KCNN1: variants seen among roughly 807,000 people sequenced by gnomAD.
KCNN1 encodes the protein potassium calcium-activated channel subfamily N member 1.
KCNN1 carries 20 observed loss-of-function variants against 44.7 expected under a neutral mutation model. The ratio of observed to expected loss-of-function variants is 0.45; its 90% CI spans 0.32 to 0.65. The LOEUF (loss-of-function observed/expected upper bound fraction) is 0.65. KCNN1 is among the 30% of genes least tolerant of loss of function. The probability of loss-of-function intolerance (pLI) is 0.05; values close to 1 mark genes in which losing one functional copy is unlikely to be tolerated. For synonymous variants in KCNN1, 324 were observed against 341.7 expected (o/e 0.95, Z 0.57); for missense variants, 632 against 785.3 (o/e 0.80, Z 2.33).
intron 4 of KCNN1, among the ~76,000 whole-genome samples, chr19:17,984,003 A>G (rs2032511395): frequency 6.7e-6 from 1 of 149,148 alleles, no homozygotes; most frequent in East Asian, 2.0e-4. Flanking sequence ...TAAAAATACA[A>G]AAAAAAAAAA....
upstream of KCNN1, among the ~76,000 whole-genome samples, chr19:17,966,043 T>G (rs997555606): frequency 2.0e-3 from 295 of 144,576 alleles, no homozygotes; most frequent in East Asian, 8.9e-3. Context: ...CTTCCTTCCT[T>G]CCTTCCTTCC....
chr19:17,998,513 G>A lies in KCNN1; in HGVS notation c.*107G>A. On this transcript the variant is annotated 3_prime_UTR_variant, in exon 10 of 10. Transcript: ENST00000684775. This position sits in a 1 kb window ranked among gnomAD's most constrained non-coding sequence, Gnocchi z 5.4. Reference sequence around the variant, plus strand: ...TTGGAGTTCAAGAAGCCAACGCTGAGTCAGGCTGAGTGGACTGAGGCCTGC... The same window carrying A: ...TTGGAGTTCAAGAAGCCAACGCTGAATCAGGCTGAGTGGACTGAGGCCTGC... 1 of 1,149,982 alleles carries A rather than the reference G, an allele frequency of 8.7e-7. No homozygotes were observed. The highest frequency in any genetic ancestry group is 2.7e-5 in the East Asian group (1 of 37,054). 71.2% of individuals were successfully genotyped at this position (1,149,982 alleles called of 1,614,324 possible). A position where few individuals can be genotyped will look rare whatever the true frequency, so the allele number is the denominator to read the frequency against.
chr19:17,969,353 T>G (rs1191639399), intron 1 of KCNN1, among the ~76,000 whole-genome samples: 1 of 152,182 alleles, frequency 6.6e-6, no homozygotes, highest in Non-Finnish European at 1.5e-5. Context: ...CTCTGAGCTC[T>G]GTCTCCCGTC....
intron 5 of KCNN1, among the ~76,000 whole-genome samples, chr19:17,986,582 C>T (rs1261511514): frequency 6.6e-6 from 1 of 152,164 alleles, no homozygotes; most frequent in Non-Finnish European, 1.5e-5. Flanking sequence ...CATCGGGGTC[C>T]CTGTCCATCC....
chr19:17,959,471 T>C (rs947018278), intron 2 of KCNN1, among the ~76,000 whole-genome samples: 18 of 152,052 alleles, frequency 1.2e-4, no homozygotes, highest in African/African-American at 4.1e-4. Flanking sequence ...TTGGCCAGGC[T>C]GGTCTTGAAC....
At position 17,988,069 on chromosome 19, in the gene KCNN1, C is replaced by T. The variant is rs564687447; in HGVS notation, c.1060-346C>T. Among the ~76,000 whole-genome samples, 3 of 148,720 alleles carry T rather than the reference C, an allele frequency of 2.0e-5. No homozygotes were observed. In the East Asian group the frequency reaches 6.0e-4, roughly 30 times the overall value. On this transcript the variant is annotated intron_variant, in intron 5 of 9. Transcript: ENST00000684775. ...ACTCAGGAGGCTGAGGCAGGAGAAT[C>T]GCTTGAACCTGGGAAGTGGAGGTTG...
upstream of KCNN1, among the ~76,000 whole-genome samples, chr19:17,963,128 C>T (rs1005874948): frequency 2.7e-5 from 4 of 150,904 alleles, no homozygotes; most frequent in East Asian, 1.9e-4. Flanking sequence ...CTGCCTCAGC[C>T]GCCAGAGTAG....
chr19:17,996,731 G>C (rs1402397963), intron 9 of KCNN1, among the ~76,000 whole-genome samples: 1 of 152,248 alleles, frequency 6.6e-6, no homozygotes, highest in Non-Finnish European at 1.5e-5. Context: ...GTGCCTGAGA[G>C]AGGCCAGGGT....
At chr19:17,954,303 A>G (rs547673984) in intron 1 of KCNN1, among the ~76,000 whole-genome samples, 14 of 152,298 alleles carry the variant, frequency 9.2e-5, no homozygotes, top group African/African-American at 3.4e-4. Context: ...CTAAAAATAC[A>G]AAAAGTAGCC....
At chr19:17,964,999 G>T (rs1254077280), upstream of KCNN1, among the ~76,000 whole-genome samples, 4 of 152,314 alleles carry the variant, frequency 2.6e-5, no homozygotes, top group East Asian at 7.7e-4. The surrounding 1 kb of genome is among the most constrained non-coding windows in gnomAD (Gnocchi z 4.3). Context: ...CATCTGGCCA[G>T]GCGCGGTGGC....
upstream of KCNN1, among the ~76,000 whole-genome samples, chr19:17,964,333 C>T (rs6512243): frequency 3.3e-5 from 5 of 151,932 alleles, no homozygotes; most frequent in Admixed American, 1.3e-4. The surrounding 1 kb of genome is among the most constrained non-coding windows in gnomAD (Gnocchi z 4.3). Flanking sequence ...CTCCCTGCTC[C>T]GGCCACTACC....
chr19:17,966,027 T>TGCCTGCCTG (rs1568447045), upstream of KCNN1, among the ~76,000 whole-genome samples: 12 of 14,382 alleles, frequency 8.3e-4, no homozygotes, highest in African/African-American at 3.0e-3. Context: ...CTGCCTGCCT[T>TGCCTGCCTG]CCTTCCTTCC....
intron 3 of KCNN1, among the ~76,000 whole-genome samples, chr19:17,977,943 A>T (rs1213422128): frequency 6.6e-6 from 1 of 152,014 alleles, no homozygotes; most frequent in East Asian, 1.9e-4. Context: ...ATCCGCAGAG[A>T]CAGAAAGGAG....
At chr19:17,977,607 C>G (rs917578128) in intron 3 of KCNN1, among the ~76,000 whole-genome samples, 1 of 152,038 alleles carries the variant, frequency 6.6e-6, no homozygotes, top group African/African-American at 2.4e-5. Flanking sequence ...ACTTCAGCCT[C>G]CCAAAGTGCT....
chr19:17,972,135 G>A (rs962344831), intron 1 of KCNN1: 7 of 152,660 alleles, frequency 4.6e-5, no homozygotes, highest in African/African-American at 1.7e-4. Flanking sequence ...TTGGGAGGCT[G>A]AGGTGGGAGG....
chr19:17,993,421 G>A lies in KCNN1; in HGVS notation c.1308-69G>A. The A allele has an allele frequency of 4.2e-6, 5 of 1,203,506 alleles. No individual in the cohort carries two copies. Among genetic ancestry groups the A allele is most frequent in the Non-Finnish European group, 6.1e-6 (5 of 823,096 alleles). The allele number at this position is 1,203,506 out of a possible 1,614,324, so 74.6% of individuals were successfully genotyped here. A position where few individuals can be genotyped will look rare whatever the true frequency, so the allele number is the denominator to read the frequency against. On this transcript the variant is annotated intron_variant, in intron 8 of 9. Transcript: ENST00000684775. This position sits in a 1 kb window ranked among gnomAD's most constrained non-coding sequence, Gnocchi z 4.5. The stretch of plus-strand genomic sequence containing the variant: ...GGTGACCCCGGGTGGGTGCATGAAA[G>A]TCCCTGCCCCCACTGCAGCCTCCAC...
intron 2 of KCNN1, among the ~76,000 whole-genome samples, chr19:17,960,316 A>T (rs2031647666): frequency 6.6e-6 from 1 of 152,032 alleles, no homozygotes; most frequent in Non-Finnish European, 1.5e-5. Context: ...ACAAATGACC[A>T]TGAGCTGGAT....
chr19:17,988,709 G>A (rs1378850291), intron 6 of KCNN1, among the ~76,000 whole-genome samples, 184 bp downstream of exon 6: 6 of 152,076 alleles, frequency 3.9e-5, no homozygotes, highest in Admixed American at 3.3e-4. Flanking sequence ...CCAGGAGTTC[G>A]AGACCAGCCT....
At chr19:17,953,563 C>T (rs566056533) in intron 1 of KCNN1, among the ~76,000 whole-genome samples, 260 of 152,288 alleles carry the variant, frequency 1.7e-3, no homozygotes, top group African/African-American at 6.0e-3. Flanking sequence ...TCTATAAGCC[C>T]TCTGCAGACA....
Sources: allele counts gnomAD v4.1 joint callset (sites outside exome capture counted in the v4.1 genomes callset), GRCh38; gene constraint gnomAD v4.1.1; non-coding constraint Gnocchi (gnomAD v3.1); transcripts MANE v1.5; gene names NCBI Gene and HGNC (gene_info 2026-07-23, HGNC 2026-07-21).